The following MAGEB6 variants were observed in gnomAD, a reference collection of about 807,000 sequenced individuals.
The protein encoded by MAGEB6 is melanoma-associated antigen B6.
For missense variants in MAGEB6, 327 were observed against 329.7 expected, an observed-to-expected ratio of 0.99 and a Z score of 0.06; for synonymous variants, 128 against 136.2, an observed-to-expected ratio of 0.94 and a Z score of 0.42.
Position 26,194,214 on chromosome X carries a change from A to G in MAGEB6, c.368A>G (p.Lys123Arg). ...GSPDAGVSGSKYDVAANGQDE... is the reference protein window; with the variant it reads ...GSPDAGVSGSRYDVAANGQDE... The stretch of plus-strand genomic sequence containing the variant: ...CCTGATGCAGGTGTTTCAGGCTCAA[A>G]ATATGATGTGGCTGCCAACGGCCAA... Residue 123 changes from lysine (K) to arginine (R), a missense_variant, in exon 2 of 2, where the codon AAA becomes AGA. Physicochemically the swap from Lys to Arg is conservative, Grantham distance 26. Transcript: ENST00000379034. The G allele has an allele frequency of 8.6e-7, 1 of 1,165,088 alleles. No homozygotes were observed. Among genetic ancestry groups the G allele is most frequent in the Non-Finnish European group, 1.2e-6 (1 of 865,852 alleles).
rs201693952 is a variant in MAGEB6 at position 26,194,150 on chromosome X, G to A, written c.304G>A (p.Val102Ile). 306 of 1,170,436 alleles carry A rather than the reference G, an allele frequency of 2.6e-4. 22 individuals carry two copies. Among genetic ancestry groups the A allele is most frequent in the Non-Finnish European group, 3.3e-4 (282 of 867,298 alleles). ...KSPSTSRDAS[V>I]PQESQGASPT... ...TCCAAGCACCTCCCGTGATGCCTCC[G>A]TTCCTCAGGAGTCTCAGGGAGCTTC... The change falls in exon 2 of 2, where the codon GTT becomes ATT. Residue 102 changes from valine to isoleucine, a missense_variant. Transcript: ENST00000379034.
rs745367786 is a variant in MAGEB6 at position 26,195,090 on chromosome X, C to A, written c.*20C>A. 8.4e-7 allele frequency: 1 copy of A among 1,195,133 alleles called. No individual in the cohort carries two copies. Among genetic ancestry groups the A allele is most frequent in the African/African-American group, 1.8e-5 (1 of 56,847 alleles). ...GCTTAAGGCAGGGCTGGCACTATTT[C>A]CTTGGCCAGGGTACCTTATGGGGCC... On this transcript the variant is annotated 3_prime_UTR_variant, in exon 2 of 2. Coordinates refer to ENST00000379034, the MANE Select transcript of MAGEB6 (RefSeq NM_173523.2).
intron 1 of MAGEB6, among the ~76,000 whole-genome samples, chrX:26,193,186 T>A (rs1442465718): frequency 1.0e-5 from 1 of 95,465 alleles, no homozygotes; most frequent in African/African-American, 3.8e-5. Context: ...GGCCTCTGGG[T>A]CTTGTCAACA....
Position 26,194,274 on chromosome X carries a change from C to T in MAGEB6, c.428C>T (p.Ser143Phe), listed in dbSNP as rs775285937. ...AGTCCAAGCACTTCCCATGATGTCTCCGTTCCTCAGGAGTCTCAGGGAGCT... is the reference window on the plus strand; with the variant it reads ...AGTCCAAGCACTTCCCATGATGTCTTCGTTCCTCAGGAGTCTCAGGGAGCT... Reference protein sequence around the residue: ...EKSPSTSHDVSVPQESQGASP... With the variant: ...EKSPSTSHDVFVPQESQGASP... The change falls in exon 2 of 2, where the codon TCC becomes TTC. Residue 143 changes from serine (S) to phenylalanine (F), a missense_variant. By Grantham distance (155) the Ser-to-Phe change is radical. Transcript: ENST00000379034. 42 of 1,206,615 alleles carry T rather than the reference C, an allele frequency of 3.5e-5. 1 individual carries two copies. The highest frequency in any genetic ancestry group is 4.6e-5 in the Non-Finnish European group (41 of 894,446).
rs776261244 is a variant in MAGEB6 at position 26,194,093 on chromosome X, G to T, written c.247G>T (p.Asp83Tyr). Residue 83 changes from aspartate to tyrosine, a missense_variant, in exon 2 of 2, where the codon GAT becomes TAT. Transcript: ENST00000379034. ...PDAVVSYSKS[D>Y]VAANGQDEKS... ...TGCAGTTGTTTCATATTCAAAATCCGATGTGGCTGCCAACGGCCAAGATGA... is the reference window on the plus strand; with the variant it reads ...TGCAGTTGTTTCATATTCAAAATCCTATGTGGCTGCCAACGGCCAAGATGA... 1.7e-6 allele frequency: 2 copies of T among 1,209,943 alleles called. No homozygotes were observed. The highest frequency in any genetic ancestry group is 5.9e-5 in the East Asian group (2 of 33,759).
Position 26,195,472 on chromosome X carries a change from C to T in MAGEB6, c.*402C>T, listed in dbSNP as rs1392282081. On this transcript the variant is annotated 3_prime_UTR_variant, in exon 2 of 2. Coordinates refer to ENST00000379034, the MANE Select transcript of MAGEB6 (RefSeq NM_173523.2). ...AATTGAGAACTAGATAACATGGTAA[C>T]AGAGAATTGATTTTCATATGAATCT... is the stretch of plus-strand genomic sequence containing the variant. 1 of 138,172 alleles carries T rather than the reference C, an allele frequency of 7.2e-6. No homozygotes were observed. Among genetic ancestry groups the T allele is most frequent in the East Asian group, 2.3e-4 (1 of 4,326 alleles). 11.4% of individuals were successfully genotyped at this position (138,172 alleles called of 1,213,427 possible). A position where few individuals can be genotyped will look rare whatever the true frequency, so the allele number is the denominator to read the frequency against.
Position 26,195,103 on chromosome X carries a change from A to G in MAGEB6, c.*33A>G. The G allele has an allele frequency of 8.4e-6, 10 of 1,185,131 alleles. No homozygotes were observed. The highest frequency in any genetic ancestry group is 1.1e-5 in the Non-Finnish European group (10 of 878,955). ...CTGGCACTATTTCCTTGGCCAGGGT[A>G]CCTTATGGGGCCATATCCTACAGAT... is the stretch of plus-strand genomic sequence containing the variant. On this transcript the variant is annotated 3_prime_UTR_variant, in exon 2 of 2. Transcript: ENST00000379034.
intron 1 of MAGEB6, among the ~76,000 whole-genome samples, chrX:26,193,572 C>A (rs1929141114): frequency 9.1e-6 from 1 of 110,037 alleles, no homozygotes; most frequent in African/African-American, 3.3e-5. Flanking sequence ...CCCCTGCTGT[C>A]ACCTCAGTAA....
intron 1 of MAGEB6, 81 bp downstream of exon 1, chrX:26,192,608 CCCTGCCCCAA>C (rs748253993): frequency 2.1e-4 from 24 of 111,752 alleles, no homozygotes; most frequent in East Asian, 1.1e-3. Flanking sequence ...CTCCACAGAG[CCCTGCCCCAA>C]CCTGCCCCGA....
chrX:26,195,424 G>C lies in MAGEB6; in HGVS notation c.*354G>C. On this transcript the variant is annotated 3_prime_UTR_variant, in exon 2 of 2. Transcript: ENST00000379034. ...ACGGTTTGGGAATTAATAAAACAAA[G>C]TCATACAACACATTTTCTTTGTAAT... is the stretch of plus-strand genomic sequence containing the variant. The C allele has an allele frequency of 5.7e-6, 1 of 175,944 alleles. No individual in the cohort carries two copies. The highest frequency in any genetic ancestry group is 1.2e-5 in the Non-Finnish European group (1 of 86,323). 14.5% of individuals were successfully genotyped at this position (175,944 alleles called of 1,213,427 possible).
chrX:26,192,748 G>A (rs1017117787), intron 1 of MAGEB6, among the ~76,000 whole-genome samples: 13 of 111,519 alleles, frequency 1.2e-4, no homozygotes, highest in African/African-American at 4.2e-4. Context: ...GTCAGTAGAG[G>A]GAGAAATCTC....
At position 26,195,135 on chromosome X, in the gene MAGEB6, A is replaced by G; in HGVS notation, c.*65A>G. On this transcript the variant is annotated 3_prime_UTR_variant, in exon 2 of 2. Coordinates refer to ENST00000379034, the MANE Select transcript of MAGEB6 (RefSeq NM_173523.2). ...GGGGCCATATCCTACAGATCCTCCC[A>G]TTTCTAGGGAGGTCTGAAGTAGAAT... The G allele has an allele frequency of 8.9e-7, 1 of 1,118,691 alleles. No homozygotes were observed. The highest frequency in any genetic ancestry group is 1.2e-6 in the Non-Finnish European group (1 of 833,663). 92.2% of individuals were successfully genotyped at this position (1,118,691 alleles called of 1,213,427 possible).
In MAGEB6 at chrX:26,193,991, C is replaced by A; in HGVS notation, c.145C>A (p.Leu49Met). 1 of 1,211,997 alleles carries A rather than the reference C, an allele frequency of 8.3e-7. No individual in the cohort carries two copies. Among genetic ancestry groups the A allele is most frequent in the East Asian group, 3.0e-5 (1 of 33,832 alleles). Residue 49 changes from leucine (L) to methionine (M), a missense_variant, in exon 2 of 2, where the codon CTG becomes ATG. Coordinates refer to ENST00000379034, the MANE Select transcript of MAGEB6 (RefSeq NM_173523.2). ...TTCCTCATCCTCTTCTCGCGCTTGTCTGGGTGATTGTCGTAGGTCTTCTGA... is the reference window on the plus strand; with the variant it reads ...TTCCTCATCCTCTTCTCGCGCTTGTATGGGTGATTGTCGTAGGTCTTCTGA... Reference protein sequence around the residue: ...HSSSSSSRACLGDCRRSSDAS... With the variant: ...HSSSSSSRACMGDCRRSSDAS...
In MAGEB6 at chrX:26,194,401, C is replaced by T; in HGVS notation, c.555C>T (p.Ile185=). 8.3e-7 allele frequency: 1 copy of T among 1,211,795 alleles called. No homozygotes were observed. Among genetic ancestry groups the T allele is most frequent in the Non-Finnish European group, 1.1e-6 (1 of 895,533 alleles). ...GTGTAAGCGCCTCACAGAAAGCCAT[C>T]ATTTTTAAGCGCTTAAGCAAAGATG... ...EESVSASQKA[I]IFKRLSKDAV... is the part of the protein sequence containing the mutation. The change falls in exon 2 of 2, where the codon ATC becomes ATT. Residue 185 remains isoleucine, a synonymous_variant. Coordinates refer to ENST00000379034, the MANE Select transcript of MAGEB6 (RefSeq NM_173523.2).
chrX:26,193,682 T>A (rs1276798743), intron 1 of MAGEB6, 104 bp from the exon 2 acceptor site: 9 of 459,342 alleles, frequency 2.0e-5, no homozygotes, highest in Non-Finnish European at 2.8e-5. Context: ...TGTGGGTTCC[T>A]AGAGCAGCTG....
rs775370255 is a variant in MAGEB6, at chrX:26,194,594, G to A, written c.748G>A (p.Val250Ile). The change falls in exon 2 of 2, where the codon GTT becomes ATT. Residue 250 changes from valine to isoleucine, a missense_variant. Coordinates refer to ENST00000379034, the MANE Select transcript of MAGEB6 (RefSeq NM_173523.2). ...CCAACATTTGGTGGTGGCCTTTGGCGTTGAATTGAAAGAAATGGATTCCAG... is the reference window on the plus strand; with the variant it reads ...CCAACATTTGGTGGTGGCCTTTGGCATTGAATTGAAAGAAATGGATTCCAG... Reference protein sequence around the residue: ...TSQHLVVAFGVELKEMDSSGE... With the variant: ...TSQHLVVAFGIELKEMDSSGE... 7.2e-5 allele frequency: 87 copies of A among 1,209,620 alleles called. No homozygotes were observed. Among genetic ancestry groups the A allele is most frequent in the Non-Finnish European group, 7.6e-5 (68 of 895,196 alleles).
At position 26,194,127 on chromosome X, in the gene MAGEB6, C is replaced by G. The variant is rs137921004; in HGVS notation, c.281C>G (p.Pro94Arg). 45 of 1,183,184 alleles carry G rather than the reference C, an allele frequency of 3.8e-5. No homozygotes were observed. Among genetic ancestry groups the G allele is most frequent in the Non-Finnish European group, 5.1e-5 (45 of 875,676 alleles). ...VAANGQDEKSPSTSRDASVPQ... is the reference protein window; with the variant it reads ...VAANGQDEKSRSTSRDASVPQ... ...GCCAACGGCCAAGATGAGAAAAGTC[C>G]AAGCACCTCCCGTGATGCCTCCGTT... is the stretch of plus-strand genomic sequence containing the variant. The change falls in exon 2 of 2, where the codon CCA becomes CGA. Residue 94 changes from proline to arginine, a missense_variant. Physicochemically the swap from Pro to Arg is moderately radical, Grantham distance 103 (BLOSUM62 -2). Coordinates refer to ENST00000379034, the MANE Select transcript of MAGEB6 (RefSeq NM_173523.2).
In MAGEB6 at chrX:26,195,180, A is replaced by G. The variant is rs1929178975; in HGVS notation, c.*110A>G. The stretch of plus-strand genomic sequence containing the variant: ...TAGAATTTTCACTTTATGTTAGAAG[A>G]GAGTAGTGAGCTTTCTAAGTAGTGC... On this transcript the variant is annotated 3_prime_UTR_variant, in exon 2 of 2. Transcript: ENST00000379034. 6.3e-6 allele frequency: 6 copies of G among 945,129 alleles called. No individual in the cohort carries two copies. The highest frequency in any genetic ancestry group is 8.8e-6 in the Non-Finnish European group (6 of 684,523). The allele number at this position is 945,129 out of a possible 1,213,427, so 77.9% of individuals were successfully genotyped here. A position where few individuals can be genotyped will look rare whatever the true frequency, so the allele number is the denominator to read the frequency against.
Position 26,194,055 on chromosome X carries a change from C to T in MAGEB6, c.209C>T (p.Thr70Ile), listed in dbSNP as rs749317847. ...IPQESQGVSP[T>I]GSPDAVVSYS... is the part of the protein sequence containing the mutation. ...CAGGAGTCTCAGGGAGTGTCACCCA[C>T]TGGGTCTCCTGATGCAGTTGTTTCA... The change falls in exon 2 of 2, where the codon ACT becomes ATT. Residue 70 changes from threonine to isoleucine, a missense_variant. Transcript: ENST00000379034. 4 of 1,209,981 alleles carry T rather than the reference C, an allele frequency of 3.3e-6. No homozygotes were observed. The East Asian group carries it at 1.2e-4, about 36-fold the overall frequency.
Sources: allele counts gnomAD v4.1 joint callset (sites outside exome capture counted in the v4.1 genomes callset), GRCh38; gene constraint gnomAD v4.1.1; transcripts MANE v1.5; gene names NCBI Gene and HGNC (gene_info 2026-07-23, HGNC 2026-07-21).